The following STARD3NL variants were observed in gnomAD, a reference collection of about 807,000 sequenced individuals.
The protein encoded by STARD3NL is STARD3 N-terminal like.
STARD3NL carries 17 observed loss-of-function variants against 30.9 expected under a neutral mutation model. That is an observed-to-expected ratio of 0.55 (90% CI 0.38 to 0.82). The LOEUF (loss-of-function observed/expected upper bound fraction) is 0.82. Ranked by LOEUF, STARD3NL falls within the 40% of genes least tolerant of loss-of-function variation. The pLI, the probability that STARD3NL is intolerant of heterozygous loss-of-function variation, is 0.00. For synonymous variants in STARD3NL, 112 were observed against 100.5 expected (o/e 1.11, Z -0.69); for missense variants, 234 against 277.6 (o/e 0.84, Z 1.12).
At chr7:38,202,396 A>G (rs1211252260) in intron 1 of STARD3NL, among the ~76,000 whole-genome samples, 1 of 152,210 alleles carries the variant, frequency 6.6e-6, no homozygotes, top group Non-Finnish European at 1.5e-5. Context: ...TTCTGAGGAC[A>G]TCTGTACAGA....
At position 38,214,405 on chromosome 7, in the gene STARD3NL, G is replaced by A. The variant is rs1224206798; in HGVS notation, c.274G>A (p.Asp92Asn). The change falls in exon 3 of 9, where the codon GAC becomes AAC. Residue 92 changes from aspartate to asparagine, a missense_variant. Asp to Asn is a conservative substitution (Grantham distance 23, BLOSUM62 1). Transcript: ENST00000009041. ...ATTAGAGAAGGAGGTGATGCAGTAT[G>A]ACTACTATTCTTCATATTTTGATAT... is the stretch of plus-strand genomic sequence containing the variant. ...NTLEKEVMQY[D>N]YYSSYFDIFL... The A allele has an allele frequency of 6.2e-7, 1 of 1,605,810 alleles. No individual in the cohort carries two copies. The highest frequency in any genetic ancestry group is 8.5e-7 in the Non-Finnish European group (1 of 1,173,790).
intron 2 of STARD3NL, among the ~76,000 whole-genome samples, chr7:38,213,246 A>G (rs907957361): frequency 6.6e-6 from 1 of 152,174 alleles, no homozygotes; most frequent in Non-Finnish European, 1.5e-5. Flanking sequence ...TTCAATCATT[A>G]TTCCTCCTTC....
intron 7 of STARD3NL, among the ~76,000 whole-genome samples, chr7:38,221,204 T>C (rs1434169095): frequency 6.6e-6 from 1 of 152,206 alleles, no homozygotes; most frequent in Non-Finnish European, 1.5e-5. Context: ...AAATATATTT[T>C]TCTATGGTAA....
At chr7:38,225,650 T>C (rs143663063) in intron 7 of STARD3NL, among the ~76,000 whole-genome samples, 293 of 152,348 alleles carry the variant, frequency 1.9e-3, no homozygotes, top group African/African-American at 6.6e-3. Flanking sequence ...TAAACTGATT[T>C]TGTGCCAAAC....
In STARD3NL at chr7:38,228,790, A is replaced by G; in HGVS notation, c.650-9A>G. 1 of 1,611,002 alleles carries G rather than the reference A, an allele frequency of 6.2e-7. No homozygotes were observed. On this transcript the variant is annotated splice_polypyrimidine_tract_variant and intron_variant, in intron 7 of 8. Transcript: ENST00000009041. ...ATACTTTTTCTTTGTCCCCTTCTCC[A>G]CCACGTAGGATCTGAAGAAGCTGAA...
chr7:38,226,655 T>C (rs1786786846), intron 7 of STARD3NL, among the ~76,000 whole-genome samples: 1 of 152,224 alleles, frequency 6.6e-6, no homozygotes, highest in South Asian at 2.1e-4. Flanking sequence ...TTGGGTCTCC[T>C]CTGTGCATGG....
chr7:38,224,176 A>G (rs1444019447), intron 7 of STARD3NL, among the ~76,000 whole-genome samples: 5 of 152,054 alleles, frequency 3.3e-5, no homozygotes, highest in African/African-American at 9.6e-5. Context: ...TTATATGGAT[A>G]TACAACATAT....
At chr7:38,185,317 A>ACAAACCTTT (rs1397491533) in intron 1 of STARD3NL, among the ~76,000 whole-genome samples, 3 of 152,222 alleles carry the variant, frequency 2.0e-5, no homozygotes, top group Non-Finnish European at 4.4e-5. Flanking sequence ...TCTTTGGACT[A>ACAAACCTTT]CAAACCTTTA....
intron 5 of STARD3NL, 25 bp from the exon 6 acceptor site, chr7:38,217,163 T>C (rs1477614343): frequency 6.2e-7 from 1 of 1,613,916 alleles, no homozygotes; most frequent in Admixed American, 1.7e-5. Flanking sequence ...TAACTGCATT[T>C]CCCTTTCCTG....
At chr7:38,226,321 T>A (rs1375647783) in intron 7 of STARD3NL, among the ~76,000 whole-genome samples, 3 of 152,134 alleles carry the variant, frequency 2.0e-5, no homozygotes, top group Non-Finnish European at 4.4e-5. Context: ...CTAGGATGTG[T>A]GGCTGCTTCT....
chr7:38,204,929 A>T (rs1011270809), intron 1 of STARD3NL, among the ~76,000 whole-genome samples: 2 of 152,208 alleles, frequency 1.3e-5, no homozygotes, highest in Non-Finnish European at 2.9e-5. Context: ...TCCCAAGACT[A>T]AACCAGGAAG....
In STARD3NL at chr7:38,229,979, C is replaced by G. The variant is rs1017421475; in HGVS notation, c.*74C>G. On this transcript the variant is annotated 3_prime_UTR_variant, in exon 9 of 9. Coordinates refer to ENST00000009041, the MANE Select transcript of STARD3NL (RefSeq NM_032016.4). ...CAAAAAGAGGCAGGCAGTGGAGTCT[C>G]CCTGTCGACAGTAAAGTTGAAATGG... 38 of 152,734 alleles carry G rather than the reference C, an allele frequency of 2.5e-4. No homozygotes were observed. The highest frequency in any genetic ancestry group is 8.2e-4 in the African/African-American group (34 of 41,570). The allele number at this position is 152,734 out of a possible 1,614,324, so 9.5% of individuals were successfully genotyped here. A position where few individuals can be genotyped will look rare whatever the true frequency, so the allele number is the denominator to read the frequency against.
At chr7:38,189,212 A>G (rs1784585392) in intron 1 of STARD3NL, among the ~76,000 whole-genome samples, 1 of 152,214 alleles carries the variant, frequency 6.6e-6, no homozygotes, top group Non-Finnish European at 1.5e-5. Context: ...AGCATTAATT[A>G]CATCCCAAAT....
chr7:38,215,206 G>A, intron 4 of STARD3NL, 101 bp downstream of exon 4: 1 of 1,106,136 alleles, frequency 9.0e-7, no homozygotes, highest in Non-Finnish European at 1.3e-6. Flanking sequence ...TCTAATGCAG[G>A]TGGAATCCCA....
intron 7 of STARD3NL, among the ~76,000 whole-genome samples, chr7:38,222,295 A>G (rs1786515744): frequency 6.6e-6 from 1 of 152,210 alleles, no homozygotes; most frequent in Non-Finnish European, 1.5e-5. Context: ...ATTCTGGACT[A>G]TTGGTGTTGG....
chr7:38,202,739 A>C (rs1785246267), intron 1 of STARD3NL, among the ~76,000 whole-genome samples: 1 of 110,972 alleles, frequency 9.0e-6, no homozygotes, highest in Non-Finnish European at 1.7e-5. Context: ...CCACCCCACA[A>C]CAGGCCCTGG....
intron 1 of STARD3NL, among the ~76,000 whole-genome samples, chr7:38,194,610 A>AT (rs1008194458): frequency 6.6e-6 from 1 of 151,908 alleles, no homozygotes; most frequent in Non-Finnish European, 1.5e-5. Context: ...TTTTACTGTC[A>AT]TTTTTTTCCA....
intron 2 of STARD3NL, among the ~76,000 whole-genome samples, chr7:38,213,601 GCT>G (rs146928548): frequency 0.084 from 12,720 of 152,100 alleles, 652 homozygotes; most frequent in Middle Eastern, 0.14. Flanking sequence ...TAATCCAGGG[GCT>G]CTGACAGTTA....
intron 1 of STARD3NL, among the ~76,000 whole-genome samples, chr7:38,181,341 C>T (rs540914218): frequency 2.0e-5 from 3 of 152,228 alleles, no homozygotes; most frequent in East Asian, 1.9e-4. Context: ...ATTGAGGAAG[C>T]CCTTAGGTCA....
Sources: gnomAD v4.1 joint callset for allele counts (sites outside exome capture counted in the v4.1 genomes callset) on GRCh38, gnomAD v4.1.1 for gene constraint, MANE v1.5 for transcripts, NCBI Gene and HGNC (gene_info 2026-07-23, HGNC 2026-07-21) for gene names.